The following GRAMD2B variants were observed in gnomAD, a reference collection of about 807,000 sequenced individuals.
GRAMD2B encodes the protein GRAM domain-containing protein 2B.
GRAMD2B carries 41 observed loss-of-function variants against 59.2 expected under a neutral mutation model. That is an observed-to-expected ratio of 0.69 (90% CI 0.54 to 0.90). The LOEUF (loss-of-function observed/expected upper bound fraction) is 0.90. GRAMD2B is among the 40% of genes least tolerant of loss of function. The pLI is 0.00. For missense variants in GRAMD2B, 424 were observed against 500.5 expected, an observed-to-expected ratio of 0.85 and a Z score of 1.46; for synonymous variants, 161 against 182.7, an observed-to-expected ratio of 0.88 and a Z score of 0.96.
chr5:126,455,327 T>C (rs34442622), intron 1 of GRAMD2B, among the ~76,000 whole-genome samples: 47,636 of 152,028 alleles, frequency 0.31, 7,886 homozygotes, highest in East Asian at 0.6. Flanking sequence ...CTTCAATTAA[T>C]ACCTACCACC....
chr5:126,374,452 C>T (rs979745011), intron 1 of GRAMD2B, among the ~76,000 whole-genome samples: 11 of 152,234 alleles, frequency 7.2e-5, no homozygotes, highest in Admixed American at 6.5e-4. Flanking sequence ...TTTTAAAATA[C>T]TCCAGACGCT....
At chr5:126,468,812 G>A (rs901237587) in intron 2 of GRAMD2B, among the ~76,000 whole-genome samples, 4 of 152,018 alleles carry the variant, frequency 2.6e-5, no homozygotes, top group East Asian at 1.9e-4. Context: ...CTTACCTCCT[G>A]TTAGACTTAT....
At chr5:126,409,539 G>GTT (rs1295118834) in intron 1 of GRAMD2B, among the ~76,000 whole-genome samples, 1 of 151,990 alleles carries the variant, frequency 6.6e-6, no homozygotes, top group Non-Finnish European at 1.5e-5. Context: ...GGGGTTGTTT[G>GTT]TTTTTTTCTT....
At chr5:126,492,129 C>T (rs1329336137) in intron 13 of GRAMD2B, among the ~76,000 whole-genome samples, 1 of 152,220 alleles carries the variant, frequency 6.6e-6, no homozygotes, top group South Asian at 2.1e-4. Context: ...AAACATCTGA[C>T]GTGGTTGGTC....
At chr5:126,454,161 C>G (rs1283867715) in intron 1 of GRAMD2B, among the ~76,000 whole-genome samples, 1 of 152,144 alleles carries the variant, frequency 6.6e-6, no homozygotes, top group African/African-American at 2.4e-5. Context: ...CAGAGAATTC[C>G]TTTTGAAAAG....
intron 1 of GRAMD2B, chr5:126,459,116 A>G (rs550075557): frequency 6.6e-6 from 1 of 152,232 alleles, no homozygotes; most frequent in Admixed American, 6.5e-5. Flanking sequence ...CCCATTCTCC[A>G]TCCTGAACTG....
At chr5:126,403,392 T>A (rs999089727) in intron 1 of GRAMD2B, among the ~76,000 whole-genome samples, 4 of 152,018 alleles carry the variant, frequency 2.6e-5, no homozygotes, top group African/African-American at 9.7e-5. Context: ...ATCCTAATAA[T>A]GAATTACAAA....
In GRAMD2B at chr5:126,481,206, AGAAAGAAAGAAAGAAAGAAAGAAAG is replaced by A. The variant is rs1270158782; in HGVS notation, c.735+500_735+524del. On this transcript the variant is annotated intron_variant, in intron 8 of 13. Coordinates refer to ENST00000285689, the MANE Select transcript of GRAMD2B (RefSeq NM_023927.4). ...GAATTAACTGTAAAAAAAAAAAAAA[AGAAAGAAAGAAAGAAAGAAAGAAAG>A]AAAGAAAGAAAGAAAGAAAAGAAAA... Among the ~76,000 whole-genome samples the A allele has an allele frequency of 2.7e-4, 19 of 70,128 alleles. 1 individual carries two copies. Among genetic ancestry groups the A allele is most frequent in the Middle Eastern group, 5.7e-3 (1 of 176 alleles). The allele number at this position is 70,128 out of a possible 152,430, so 46.0% of individuals were successfully genotyped here. A position where few individuals can be genotyped will look rare whatever the true frequency, so the allele number is the denominator to read the frequency against.
intron 1 of GRAMD2B, among the ~76,000 whole-genome samples, chr5:126,430,055 A>C (rs1249244946): frequency 6.6e-6 from 1 of 152,190 alleles, no homozygotes; most frequent in African/African-American, 2.4e-5. Context: ...CTAATTTTTT[A>C]AATGTTCAGC....
chr5:126,371,380 T>A lies in GRAMD2B; in HGVS notation c.-63T>A, dbSNP rs574881698. On this transcript the variant is annotated 5_prime_UTR_variant, in exon 1 of 9. Coordinates refer to the GRAMD2B transcript ENST00000506445. The stretch of plus-strand genomic sequence containing the variant: ...CTGAAACGCAGAGATTTTCATATTA[T>A]TTGGGAGACTCAGAAATGAGCTTTT... 42 of 1,232,314 alleles carry A rather than the reference T, an allele frequency of 3.4e-5. 1 individual carries two copies. The African/African-American group carries it at 5.3e-4, about 16-fold the overall frequency. 76.3% of individuals were successfully genotyped at this position (1,232,314 alleles called of 1,614,324 possible).
rs186540460 is a variant in GRAMD2B, at chr5:126,408,982, T to C, written c.125+37415T>C. Among the ~76,000 whole-genome samples, 3 of 151,734 alleles carry C rather than the reference T, an allele frequency of 2.0e-5. No homozygotes were observed. The East Asian group carries it at 5.8e-4, about 29-fold the overall frequency. ...GCGATAGTTTACTGAGAATGATGAT[T>C]TCCAATTTCATCCATGTCCCTACAA... On this transcript the variant is annotated intron_variant, in intron 1 of 8. Transcript: ENST00000506445.
At chr5:126,397,369 C>T (rs903307990) in intron 1 of GRAMD2B, among the ~76,000 whole-genome samples, 10 of 152,094 alleles carry the variant, frequency 6.6e-5, no homozygotes, top group African/African-American at 1.9e-4. Flanking sequence ...GGACTGCAGG[C>T]ATGCACTACC....
At chr5:126,428,051 G>A (rs1175947911) in intron 1 of GRAMD2B, among the ~76,000 whole-genome samples, 5 of 152,094 alleles carry the variant, frequency 3.3e-5, no homozygotes, top group Non-Finnish European at 7.4e-5. Flanking sequence ...TGGCCAACAT[G>A]GTGAAACCCC....
intron 1 of GRAMD2B, among the ~76,000 whole-genome samples, chr5:126,382,781 A>G (rs1229254854): frequency 1.3e-5 from 2 of 152,082 alleles, no homozygotes; most frequent in Non-Finnish European, 2.9e-5. Context: ...TTGTCATATT[A>G]CCGGAATTGT....
chr5:126,388,761 G>GA lies in GRAMD2B; in HGVS notation c.125+17202dup, dbSNP rs1024445599. Reference sequence around the variant, plus strand: ...TGTATCTTTATTTTCCTTCTTAAGAGAAAAAAAACCTATTGAATCTTTTAG... The same window carrying GA: ...TGTATCTTTATTTTCCTTCTTAAGAGAAAAAAAAACCTATTGAATCTTTTAG... On this transcript the variant is annotated intron_variant, in intron 1 of 8. Transcript: ENST00000506445. Among the ~76,000 whole-genome samples, 11 of 150,908 alleles carry GA rather than the reference G, an allele frequency of 7.3e-5. No individual in the cohort carries two copies. In the East Asian group the frequency reaches 1.6e-3, roughly 21 times the overall value.
chr5:126,423,507 G>A lies in GRAMD2B; in HGVS notation c.-100G>A, dbSNP rs1050334550. 22 of 1,534,534 alleles carry A rather than the reference G, an allele frequency of 1.4e-5. No homozygotes were observed. The highest frequency in any genetic ancestry group is 1.8e-5 in the Non-Finnish European group (21 of 1,142,938). On this transcript the variant is annotated 5_prime_UTR_variant, in exon 1 of 14. Coordinates refer to ENST00000285689, the MANE Select transcript of GRAMD2B (RefSeq NM_023927.4). ...CGGAGGGTGCAGGGGAGGGCACGGCGCCGCTTGCTTGGCCTGCGCACCCGG... is the reference window on the plus strand; with the variant it reads ...CGGAGGGTGCAGGGGAGGGCACGGCACCGCTTGCTTGGCCTGCGCACCCGG...
intron 1 of GRAMD2B, among the ~76,000 whole-genome samples, chr5:126,452,075 A>C (rs1340627358): frequency 6.6e-6 from 1 of 152,146 alleles, no homozygotes; most frequent in African/African-American, 2.4e-5. Flanking sequence ...TTTTCTTTAT[A>C]AATTACCCAG....
chr5:126,486,772 A>C, intron 11 of GRAMD2B, 101 bp from the exon 12 acceptor site: 1 of 656,656 alleles, frequency 1.5e-6, no homozygotes, highest in Non-Finnish European at 2.7e-6. Flanking sequence ...TATTTTGGAA[A>C]ATACCTTGCC....
At chr5:126,385,227 TCA>T (rs147599310) in intron 1 of GRAMD2B, among the ~76,000 whole-genome samples, 2,313 of 152,260 alleles carry the variant, frequency 0.015, 24 homozygotes, top group Non-Finnish European at 0.023. Flanking sequence ...GCCTTATGAT[TCA>T]TAGTCCAGGA....
Sources: allele counts gnomAD v4.1 joint callset (sites outside exome capture counted in the v4.1 genomes callset), GRCh38; gene constraint gnomAD v4.1.1; transcripts MANE v1.5; gene names NCBI Gene and HGNC (gene_info 2026-07-23, HGNC 2026-07-21).